The following ABCA13 variants were observed in gnomAD, a reference collection of about 807,000 sequenced individuals.
ABCA13 encodes the protein ATP binding cassette subfamily A member 13, also known as ATP-binding cassette sub-family A member 13.
A neutral mutation model predicts 478.7 loss-of-function variants in ABCA13; 476 were observed. The observed-to-expected ratio is 0.99, with a 90% CI of 0.92 to 1.07. ABCA13 has a LOEUF of 1.07. Ranked by LOEUF, ABCA13 falls within the 50% of genes least tolerant of loss-of-function variation. The probability of loss-of-function intolerance (pLI) is 0.00; values close to 1 mark genes in which losing one functional copy is unlikely to be tolerated. For synonymous variants in ABCA13, 2,252 were observed against 2,158.9 expected (o/e 1.04, Z -1.20); for missense variants, 6,060 against 5,910.6 (o/e 1.03, Z -0.83).
Position 48,279,054 on chromosome 7 carries a change from C to T in ABCA13, c.7860C>T (p.Ser2620=). The T allele has an allele frequency of 6.2e-7, 1 of 1,613,054 alleles. No individual in the cohort carries two copies. The highest frequency in any genetic ancestry group is 8.5e-7 in the Non-Finnish European group (1 of 1,179,782). Residue 2620 remains serine, a synonymous_variant, in exon 18 of 62, where the codon AGC becomes AGT. Transcript: ENST00000435803. ...SNSDIFSMSP[S]ILSYMNQSKD... ...CTGATATTTTCAGTATGTCACCTAG[C>T]ATACTCTCATATATGAACCAATCTA... is the stretch of plus-strand genomic sequence containing the variant.
chr7:48,462,720 G>A (rs1450379568), intron 43 of ABCA13, among the ~76,000 whole-genome samples: 1 of 152,122 alleles, frequency 6.6e-6, no homozygotes. Flanking sequence ...TGCTGGCCAG[G>A]CTGGTCGCGA....
intron 27 of ABCA13, among the ~76,000 whole-genome samples, chr7:48,324,980 C>G (rs777388041): frequency 1.4e-4 from 22 of 152,182 alleles, no homozygotes; most frequent in Non-Finnish European, 2.9e-4. Context: ...AAAATTTTCC[C>G]TAAAAATTGA....
At position 48,412,484 on chromosome 7, in the gene ABCA13, A is replaced by G. The variant is rs769807728; in HGVS notation, c.12360A>G (p.Thr4120=). 14 of 1,613,720 alleles carry G rather than the reference A, an allele frequency of 8.7e-6. No homozygotes were observed. The highest frequency in any genetic ancestry group is 2.2e-5 in the East Asian group (1 of 44,798). The change falls in exon 41 of 62, where the codon ACA becomes ACG. Residue 4120 remains threonine (T), a synonymous_variant. Coordinates refer to ENST00000435803, the MANE Select transcript of ABCA13 (RefSeq NM_152701.5). The part of the protein sequence containing the change: ...SELTYTIPKD[T]DKACLKGLFQ... ...TGACCTACACCATTCCAAAGGACAC[A>G]GACAAGGCCTGCTTGAAAGGGCTCT... is the stretch of plus-strand genomic sequence containing the variant.
chr7:48,309,878 C>G, intron 23 of ABCA13, 69 bp from the exon 24 acceptor site: 1 of 1,559,576 alleles, frequency 6.4e-7, no homozygotes, highest in Admixed American at 1.7e-5. Flanking sequence ...CGATGAAGCT[C>G]CGGTCTGAGG....
chr7:48,327,329 C>G lies in ABCA13; in HGVS notation c.10000-8093C>G, dbSNP rs528826517. ...TTTCGTAAGAACTTACTCACTATCA[C>G]AAGAATAGCATGGGGAAACTGCCCC... On this transcript the variant is annotated intron_variant, in intron 27 of 61. Transcript: ENST00000435803. 1.9e-3 allele frequency among the ~76,000 whole-genome samples: 294 copies of G among 152,276 alleles called. 1 individual carries two copies. The highest frequency in any genetic ancestry group is 3.4e-3 in the Middle Eastern group (1 of 294).
At chr7:48,317,788 G>C (rs1484860778) in intron 27 of ABCA13, among the ~76,000 whole-genome samples, 1 of 152,218 alleles carries the variant, frequency 6.6e-6, no homozygotes, top group Non-Finnish European at 1.5e-5. Flanking sequence ...AAGGTGAGAT[G>C]AAGACACCAA....
At chr7:48,376,351 T>G in intron 34 of ABCA13, 90 bp from the exon 35 acceptor site, 31 of 1,492,142 alleles carry the variant, frequency 2.1e-5, no homozygotes, top group Non-Finnish European at 2.5e-5. Flanking sequence ...CAACTTCACT[T>G]GAGCTTCCAG....
intron 26 of ABCA13, among the ~76,000 whole-genome samples, chr7:48,315,725 G>A (rs1802494685): frequency 1.3e-5 from 2 of 152,104 alleles, no homozygotes; most frequent in South Asian, 2.1e-4. Context: ...TGATCTGCCT[G>A]CCTCGGCCTC....
chr7:48,177,036 TA>T (rs1794981741), intron 1 of ABCA13, among the ~76,000 whole-genome samples: 1 of 152,192 alleles, frequency 6.6e-6, no homozygotes, highest in Admixed American at 6.5e-5. Flanking sequence ...AACTTGGTGT[TA>T]CAAAGAATAA....
At chr7:48,563,991 A>G (rs1332992880) in intron 55 of ABCA13, among the ~76,000 whole-genome samples, 1 of 152,132 alleles carries the variant, frequency 6.6e-6, no homozygotes, top group East Asian at 1.9e-4. Context: ...AAACAATAGC[A>G]AAGTTATTTA....
chr7:48,574,336 G>T (rs1787959027), intron 55 of ABCA13, among the ~76,000 whole-genome samples: 3 of 152,064 alleles, frequency 2.0e-5, no homozygotes, highest in African/African-American at 2.4e-5. Context: ...ATTTCCGGAG[G>T]CTTCACTGTT....
intron 23 of ABCA13, among the ~76,000 whole-genome samples, chr7:48,305,906 C>T (rs1800834507): frequency 6.6e-6 from 1 of 152,132 alleles, no homozygotes; most frequent in African/African-American, 2.4e-5. Context: ...AGGAACTTGG[C>T]ATTCTGTTTC....
chr7:48,225,809 A>T (rs759296764), intron 5 of ABCA13, among the ~76,000 whole-genome samples: 10 of 152,130 alleles, frequency 6.6e-5, no homozygotes, highest in Non-Finnish European at 7.4e-5. Context: ...GAATTGCTGG[A>T]TGATGCTCTT....
intron 15 of ABCA13, among the ~76,000 whole-genome samples, chr7:48,250,631 C>T (rs1231290180): frequency 1.3e-5 from 2 of 152,198 alleles, no homozygotes; most frequent in Admixed American, 6.5e-5. Context: ...CACCTCTTTC[C>T]TTATCAGCTT....
chr7:48,462,082 A>C (rs547473207), intron 43 of ABCA13, among the ~76,000 whole-genome samples: 1 of 144,436 alleles, frequency 6.9e-6, no homozygotes, highest in South Asian at 2.2e-4. Context: ...TTCTTCTGAG[A>C]TAACAGGTGT....
At chr7:48,510,054 C>T (rs1358130470) in intron 50 of ABCA13, among the ~76,000 whole-genome samples, 1 of 152,194 alleles carries the variant, frequency 6.6e-6, no homozygotes, top group Non-Finnish European at 1.5e-5. Context: ...TCTGTCATAG[C>T]CCCCCAAATG....
chr7:48,520,387 T>C lies in ABCA13; in HGVS notation c.14051+93T>C, dbSNP rs1409918884. 4.3e-6 allele frequency: 6 copies of C among 1,390,782 alleles called. No homozygotes were observed. The African/African-American group carries it at 8.8e-5, about 20-fold the overall frequency. 86.2% of individuals were successfully genotyped at this position (1,390,782 alleles called of 1,614,324 possible). ...ATCCTGGAGGTTGTAAAATAAAAAT[T>C]ATATCTGATCAGCATTATACATAGT... On this transcript the variant is annotated intron_variant, in intron 53 of 61. Transcript: ENST00000435803.
intron 34 of ABCA13, among the ~76,000 whole-genome samples, chr7:48,375,686 A>G (rs1813368518): frequency 6.6e-6 from 1 of 152,078 alleles, no homozygotes; most frequent in African/African-American, 2.4e-5. Flanking sequence ...CTATTGTTGT[A>G]TTAGCCAGTT....
intron 34 of ABCA13, among the ~76,000 whole-genome samples, chr7:48,375,702 G>A (rs1182790361): frequency 6.6e-6 from 1 of 151,922 alleles, no homozygotes; most frequent in African/African-American, 2.4e-5. Context: ...CAGTTAATTT[G>A]TACTGGTCTT....
Sources: allele counts gnomAD v4.1 joint callset (sites outside exome capture counted in the v4.1 genomes callset), GRCh38; gene constraint gnomAD v4.1.1; transcripts MANE v1.5; gene names NCBI Gene and HGNC (gene_info 2026-07-23, HGNC 2026-07-21).